The following USP40 variants were observed in gnomAD, a reference collection of about 807,000 sequenced individuals.
The protein encoded by USP40 is ubiquitin specific peptidase 40, also known as ubiquitin carboxyl-terminal hydrolase 40.
In USP40, 143 loss-of-function variants were observed where a neutral mutation model predicts 166.2. The ratio of observed to expected loss-of-function variants is 0.86; its 90% CI spans 0.75 to 0.99. The LOEUF is 0.99. Among genes scored for constraint, USP40 ranks in the 50% least tolerant of loss-of-function variants. The pLI is 0.00. For synonymous variants in USP40, 498 were observed against 524.0 expected, an observed-to-expected ratio of 0.95 and a Z score of 0.68; for missense variants, 1,444 against 1,479.7, an observed-to-expected ratio of 0.98 and a Z score of 0.40.
rs772555778 is a variant in USP40 at position 233,549,112 on chromosome 2, A to G, written c.955T>C (p.Trp319Arg). ...ATTTCTATACGTACTTGAAACTGCC[A>G]GTTTCCCAAATGATCAACATCTTTA... ...YIKDVDHLGN[W>R]QFQEEKSKPD... is the part of the protein sequence containing the mutation. Residue 319 changes from tryptophan to arginine, a missense_variant, in exon 8 of 32, where the codon TGG becomes CGG. Trp to Arg is a moderately radical substitution (Grantham distance 101). Coordinates refer to ENST00000678225, the MANE Select transcript of USP40 (RefSeq NM_001365479.2). 2 of 1,597,662 alleles carry G rather than the reference A, an allele frequency of 1.3e-6. No individual in the cohort carries two copies. Among genetic ancestry groups the G allele is most frequent in the Non-Finnish European group, 1.7e-6 (2 of 1,173,258 alleles).
chr2:233,515,535 G>T (rs1329270479), intron 18 of USP40, among the ~76,000 whole-genome samples: 1 of 151,326 alleles, frequency 6.6e-6, no homozygotes, highest in Non-Finnish European at 1.5e-5. Flanking sequence ...GTCTGTTCAA[G>T]ATTCTAAACC....
chr2:233,482,582 G>GTTTT (rs1203339243), intron 30 of USP40, among the ~76,000 whole-genome samples: 44 of 137,000 alleles, frequency 3.2e-4, no homozygotes, highest in African/African-American at 1.1e-3. Context: ...TCCCACTGGA[G>GTTTT]TTTTTTTTTT....
chr2:233,549,275 G>A, intron 7 of USP40, 46 bp from the exon 8 acceptor site: 1 of 1,157,122 alleles, frequency 8.6e-7, no homozygotes, highest in Non-Finnish European at 1.2e-6. Flanking sequence ...TTCATAAAAT[G>A]CTGATAATAA....
chr2:233,555,688 C>G (rs548217165), intron 5 of USP40, among the ~76,000 whole-genome samples: 58 of 145,512 alleles, frequency 4.0e-4, no homozygotes, highest in Non-Finnish European at 7.7e-4. Context: ...CAGGCTGGAG[C>G]ACAGTGGCGC....
chr2:233,557,594 C>T (rs181714558), intron 4 of USP40, among the ~76,000 whole-genome samples: 168 of 152,186 alleles, frequency 1.1e-3, no homozygotes, highest in African/African-American at 3.8e-3. Flanking sequence ...CCAAGGGGCA[C>T]ACCAAGACTG....
intron 9 of USP40, 79 bp downstream of exon 9, chr2:233,542,189 A>G (rs189294129): frequency 2.9e-6 from 2 of 700,896 alleles, no homozygotes; most frequent in South Asian, 2.8e-5. Context: ...AACCGCATAC[A>G]TTCTTACATA....
At chr2:233,510,188 A>G (rs1422760547) in intron 20 of USP40, 53 bp from the exon 21 acceptor site, 1 of 1,360,664 alleles carries the variant, frequency 7.3e-7, no homozygotes, top group South Asian at 1.3e-5. Context: ...TAAAAATCCA[A>G]TAAATGTATT....
chr2:233,506,203 C>T (rs1302624722), intron 21 of USP40, among the ~76,000 whole-genome samples: 2 of 152,118 alleles, frequency 1.3e-5, no homozygotes, highest in Non-Finnish European at 2.9e-5. Flanking sequence ...ACAAACTTAA[C>T]AGCCAACTAA....
chr2:233,523,309 T>C lies in USP40; in HGVS notation c.2062A>G (p.Ile688Val), dbSNP rs747295847. 1.9e-6 allele frequency: 3 copies of C among 1,614,048 alleles called. No individual in the cohort carries two copies. The highest frequency in any genetic ancestry group is 2.5e-6 in the Non-Finnish European group (3 of 1,179,884). Residue 688 changes from isoleucine (I) to valine (V), a missense_variant, in exon 16 of 32, where the codon ATC (isoleucine) becomes GTC (valine). Ile to Val is a conservative substitution (Grantham distance 29). Transcript: ENST00000678225. Reference protein sequence around the residue: ...LTALAIPAGVIFINSAGCPGG... With the variant: ...LTALAIPAGVVFINSAGCPGG... ...GGACATCCAGCACTGTTGATGAAGA[T>C]GACACCTGCTGGGATTGCTAAGGCT... is the stretch of plus-strand genomic sequence containing the variant.
chr2:233,554,210 G>T, intron 6 of USP40, 170 bp downstream of exon 6: 1 of 690,478 alleles, frequency 1.4e-6, no homozygotes, highest in Non-Finnish European at 2.1e-6. Context: ...TGGGTTGAAA[G>T]CCTTAAAAAT....
At chr2:233,523,792 C>T (rs183588493) in intron 15 of USP40, among the ~76,000 whole-genome samples, 52 of 152,118 alleles carry the variant, frequency 3.4e-4, no homozygotes, top group African/African-American at 1.0e-3. Context: ...TGCTCCTGGC[C>T]GCCTTCTAGA....
intron 11 of USP40, among the ~76,000 whole-genome samples, chr2:233,530,598 T>C (rs1331868267): frequency 6.6e-6 from 1 of 152,168 alleles, no homozygotes; most frequent in African/African-American, 2.4e-5. Context: ...CTGGAGGAAA[T>C]GTCACCTGTT....
chr2:233,553,639 G>C (rs2125365594), intron 6 of USP40, among the ~76,000 whole-genome samples: 1 of 152,316 alleles, frequency 6.6e-6, no homozygotes, highest in East Asian at 1.9e-4. Flanking sequence ...CTAAACAGTA[G>C]TTGCCTCTCA....
At chr2:233,482,597 T>TTG (rs1393926610) in intron 30 of USP40, among the ~76,000 whole-genome samples, 2 of 147,232 alleles carry the variant, frequency 1.4e-5, no homozygotes, top group African/African-American at 5.1e-5. Flanking sequence ...TTTTTTTTGT[T>TTG]TTTTTTTTTT....
At chr2:233,566,056 A>T (rs565692266) in intron 1 of USP40, among the ~76,000 whole-genome samples, 1 of 151,826 alleles carries the variant, frequency 6.6e-6, no homozygotes, top group African/African-American at 2.4e-5. Flanking sequence ...AGTACTATAT[A>T]CCAGATTATG....
Position 233,493,860 on chromosome 2 carries a change from C to A in USP40, c.2791-309G>T, listed in dbSNP as rs374987705. On this transcript the variant is annotated intron_variant, in intron 24 of 31. Transcript: ENST00000678225. This position sits in a 1 kb window ranked among gnomAD's most constrained non-coding sequence, Gnocchi z 4.7. ...AACACACTATACCAGCGTTTCCAGG[C>A]GCTGTCCAAGCACTGCTGGCCCAGG... Among the ~76,000 whole-genome samples, 7 of 152,286 alleles carry A rather than the reference C, an allele frequency of 4.6e-5. No individual in the cohort carries two copies. In the East Asian group the frequency reaches 1.2e-3, roughly 25 times the overall value.
intron 10 of USP40, among the ~76,000 whole-genome samples, chr2:233,540,284 G>A (rs76074357): frequency 0.011 from 1,645 of 152,190 alleles, 21 homozygotes; most frequent in East Asian, 0.029. Context: ...GAGATATTTT[G>A]AACAAGTTTA....
chr2:233,530,237 C>A (rs1257587109), intron 11 of USP40, among the ~76,000 whole-genome samples: 9 of 144,230 alleles, frequency 6.2e-5, no homozygotes, highest in African/African-American at 2.0e-4. Context: ...CACAGGCACA[C>A]ACACAAACAC....
chr2:233,540,388 A>C (rs2069294042), intron 10 of USP40, among the ~76,000 whole-genome samples: 1 of 152,168 alleles, frequency 6.6e-6, no homozygotes, highest in Non-Finnish European at 1.5e-5. Flanking sequence ...ATACCTGAAG[A>C]CATTTCTCTA....
Sources: allele counts gnomAD v4.1 joint callset (sites outside exome capture counted in the v4.1 genomes callset), GRCh38; gene constraint gnomAD v4.1.1; non-coding constraint Gnocchi (gnomAD v3.1); transcripts MANE v1.5; gene names NCBI Gene and HGNC (gene_info 2026-07-23, HGNC 2026-07-21).